DTWD2: variants seen among roughly 807,000 people sequenced by gnomAD.
The protein encoded by DTWD2 is DTW motif tRNA-uridine aminocarboxypropyltransferase 2, also known as tRNA-uridine aminocarboxypropyltransferase 2.
Under a neutral mutation model 31.8 loss-of-function variants are expected in DTWD2, and 39 were observed. The ratio of observed to expected loss-of-function variants is 1.22; its 90% CI spans 0.95 to 1.60. The LOEUF (loss-of-function observed/expected upper bound fraction) is 1.60, where lower values mean the gene tolerates loss of function less well. DTWD2 is among the 40% of genes most tolerant of loss of function. The pLI is 0.00. For synonymous variants in DTWD2, 180 were observed against 142.8 expected, an observed-to-expected ratio of 1.26 and a Z score of -1.86; for missense variants, 515 against 381.5, an observed-to-expected ratio of 1.35 and a Z score of -2.92.
Position 118,898,805 on chromosome 5 carries a change from A to T in DTWD2, c.597+29732T>A, listed in dbSNP as rs192260668. Reference sequence around the variant, plus strand: ...AACAGCTCTAATTTTAATCACAAAAAAATTGTTATTAAGACATTTAGTTTA... The same window carrying T: ...AACAGCTCTAATTTTAATCACAAAATAATTGTTATTAAGACATTTAGTTTA... On this transcript the variant is annotated intron_variant, in intron 4 of 5. Coordinates refer to ENST00000510708, the MANE Select transcript of DTWD2 (RefSeq NM_173666.4). 6.3e-3 allele frequency among the ~76,000 whole-genome samples: 957 copies of T among 152,334 alleles called. 36 individuals carry two copies. Among genetic ancestry groups the T allele is most frequent in the Admixed American group, 0.057 (873 of 15,296 alleles).
chr5:118,952,076 A>C (rs954871153), intron 1 of DTWD2, among the ~76,000 whole-genome samples: 1 of 152,176 alleles, frequency 6.6e-6, no homozygotes, highest in African/African-American at 2.4e-5. Context: ...AAAGGGGTTG[A>C]GGGATAGTGA....
intron 1 of DTWD2, among the ~76,000 whole-genome samples, chr5:118,968,811 G>T (rs1156375941): frequency 6.6e-6 from 1 of 152,218 alleles, no homozygotes; most frequent in African/African-American, 2.4e-5. Flanking sequence ...CTGAATCCAG[G>T]GGGCCAAGCA....
At chr5:118,879,634 C>T (rs1041654342) in intron 4 of DTWD2, among the ~76,000 whole-genome samples, 31 of 145,360 alleles carry the variant, frequency 2.1e-4, no homozygotes, top group Non-Finnish European at 3.9e-4. Context: ...AAAAAAAGAA[C>T]GAGATCATGT....
In DTWD2 at chr5:118,850,573, A is replaced by AAC. The variant is rs1410143493; in HGVS notation, c.598-2357_598-2356dup. Among the ~76,000 whole-genome samples, 11 of 151,778 alleles carry AAC rather than the reference A, an allele frequency of 7.2e-5. No homozygotes were observed. In the East Asian group the frequency reaches 1.9e-3, roughly 27 times the overall value. The stretch of plus-strand genomic sequence containing the variant: ...AAGGACTATAGAAATCCTGGAAGAA[A>AAC]ACCTAGGTAATACCCTCTGGATATC... On this transcript the variant is annotated intron_variant, in intron 4 of 5. Transcript: ENST00000510708.
chr5:118,919,927 G>C (rs1050201770), intron 4 of DTWD2, among the ~76,000 whole-genome samples: 1 of 151,972 alleles, frequency 6.6e-6, no homozygotes, highest in Non-Finnish European at 1.5e-5. Flanking sequence ...TGGATTGTTT[G>C]AAACAGTAGT....
chr5:118,988,051 C>T (rs985863873), intron 1 of DTWD2: 18 of 708,270 alleles, frequency 2.5e-5, no homozygotes, highest in African/African-American at 2.4e-4. Flanking sequence ...GAACTGATGT[C>T]TGCTCATCCC....
At chr5:118,844,329 G>C (rs187129917) in intron 5 of DTWD2, among the ~76,000 whole-genome samples, 3 of 152,250 alleles carry the variant, frequency 2.0e-5, no homozygotes, top group Non-Finnish European at 2.9e-5. Context: ...ATAAAACTTC[G>C]TAAGTAGAAA....
At chr5:118,883,717 C>A (rs1332595520) in intron 4 of DTWD2, among the ~76,000 whole-genome samples, 1 of 152,148 alleles carries the variant, frequency 6.6e-6, no homozygotes, top group South Asian at 2.1e-4. Context: ...CTCACTATCA[C>A]AAAAACAGCA....
intron 4 of DTWD2, among the ~76,000 whole-genome samples, chr5:118,907,144 AG>A (rs1212728757): frequency 1.3e-5 from 2 of 152,200 alleles, no homozygotes; most frequent in Non-Finnish European, 2.9e-5. Context: ...TGGACCATGA[AG>A]TATATTACAA....
intron 1 of DTWD2, among the ~76,000 whole-genome samples, chr5:118,963,682 AT>A (rs1467961533): frequency 6.6e-6 from 1 of 152,234 alleles, no homozygotes; most frequent in Non-Finnish European, 1.5e-5. Context: ...GAAAAAATTC[AT>A]TGCCGAGTGA....
At chr5:118,906,160 T>A (rs897887752) in intron 4 of DTWD2, among the ~76,000 whole-genome samples, 1 of 152,156 alleles carries the variant, frequency 6.6e-6, no homozygotes, top group African/African-American at 2.4e-5. Flanking sequence ...TACTCAACTA[T>A]TAGAATAGCA....
At chr5:118,844,805 G>C (rs1751808925) in intron 5 of DTWD2, among the ~76,000 whole-genome samples, 1 of 152,136 alleles carries the variant, frequency 6.6e-6, no homozygotes, top group South Asian at 2.1e-4. Flanking sequence ...TTATTTTGAG[G>C]AACCCTGCCT....
chr5:118,975,870 C>G (rs1755143761), intron 1 of DTWD2, among the ~76,000 whole-genome samples: 1 of 152,190 alleles, frequency 6.6e-6, no homozygotes, highest in South Asian at 2.1e-4. Flanking sequence ...GAACTCTCCA[C>G]CCCAAATCAA....
chr5:118,945,130 A>G (rs1034805908), intron 1 of DTWD2, among the ~76,000 whole-genome samples: 1 of 152,224 alleles, frequency 6.6e-6, no homozygotes, highest in Non-Finnish European at 1.5e-5. Context: ...GAACTTACCA[A>G]TTGTGAGAAG....
chr5:118,945,015 T>A (rs1242817839), intron 1 of DTWD2, among the ~76,000 whole-genome samples: 2 of 152,204 alleles, frequency 1.3e-5, no homozygotes, highest in African/African-American at 4.8e-5. Context: ...TGGCAACTCT[T>A]CTGTGTCACT....
At chr5:118,954,271 G>A (rs1191560247) in intron 1 of DTWD2, among the ~76,000 whole-genome samples, 1 of 152,008 alleles carries the variant, frequency 6.6e-6, no homozygotes, top group African/African-American at 2.4e-5. Context: ...AAAAACCCTA[G>A]CAATGAATCA....
intron 4 of DTWD2, among the ~76,000 whole-genome samples, chr5:118,890,562 C>CTTTTTTTT (rs973397760): frequency 7.0e-5 from 5 of 71,252 alleles, no homozygotes; most frequent in South Asian, 6.0e-4. Context: ...TTAGGTTTTC[C>CTTTTTTTT]TTTTTTTTTT....
chr5:118,896,964 A>G (rs946130465), intron 4 of DTWD2, among the ~76,000 whole-genome samples: 32 of 152,326 alleles, frequency 2.1e-4, no homozygotes, highest in African/African-American at 7.2e-4. Context: ...ATGGACATCA[A>G]ATCAAACCAT....
At chr5:118,910,948 G>C (rs1753445002) in intron 4 of DTWD2, among the ~76,000 whole-genome samples, 1 of 152,082 alleles carries the variant, frequency 6.6e-6, no homozygotes, top group South Asian at 2.1e-4. Flanking sequence ...AATTCATGAA[G>C]GCAGAGGTCT....
Sources: allele counts gnomAD v4.1 joint callset (sites outside exome capture counted in the v4.1 genomes callset), GRCh38; gene constraint gnomAD v4.1.1; transcripts MANE v1.5; gene names NCBI Gene and HGNC (gene_info 2026-07-23, HGNC 2026-07-21).